The following NEB variants were observed in gnomAD, a reference collection of about 807,000 sequenced individuals.
NEB encodes the protein nemaline myopathy type 2.
In NEB, 512 loss-of-function variants were observed where a neutral mutation model predicts 952.2. That is an observed-to-expected ratio of 0.54 (90% CI 0.50 to 0.58). The LOEUF (loss-of-function observed/expected upper bound fraction) is 0.58. NEB is among the 20% of genes least tolerant of loss of function. NEB has a pLI of 0.00. For synonymous variants in NEB, 2,900 were observed against 3,149.8 expected (o/e 0.92, Z 2.66); for missense variants, 8,428 against 9,231.1 (o/e 0.91, Z 3.56).
At position 151,680,827 on chromosome 2, in the gene NEB, T is replaced by A. The variant is rs1221463256; in HGVS notation, c.2945A>T (p.Lys982Ile). 7 of 1,608,438 alleles carry A rather than the reference T, an allele frequency of 4.4e-6. No homozygotes were observed. The highest frequency in any genetic ancestry group is 6.0e-6 in the Non-Finnish European group (7 of 1,174,876). Residue 982 changes from lysine to isoleucine, a missense_variant and splice_region_variant, in exon 30 of 182, where the codon AAA becomes ATA. Transcript: ENST00000397345. ...AKRASDILNE[K>I]KYRQHPDTLK... Reference sequence around the variant, plus strand: ...GGTGTCTGGATGTTGGCGATATTTTTTCTGTTTGGCAAATCAAAAAGAGAA... The same window carrying A: ...GGTGTCTGGATGTTGGCGATATTTTATCTGTTTGGCAAATCAAAAAGAGAA...
intron 13 of NEB, among the ~76,000 whole-genome samples, chr2:151,700,875 G>A (rs1237485929): frequency 3.2e-5 from 3 of 93,824 alleles, no homozygotes; most frequent in African/African-American, 1.0e-4. Context: ...CTGCCTAATT[G>A]CCCTGGCCAG....
intron 32 of NEB, 61 bp downstream of exon 32, chr2:151,679,660 G>GGGCCCCCCCCCCCCCCC: frequency 1.6e-5 from 11 of 682,622 alleles, no homozygotes; most frequent in Non-Finnish European, 2.5e-5. Flanking sequence ...GTCATCGTCA[G>GGGCCCCCCCCCCCCCCC]ACCCCAAGCC....
chr2:151,505,375 G>T, intron 165 of NEB, 103 bp downstream of exon 165: 1 of 1,010,322 alleles, frequency 9.9e-7, no homozygotes, highest in Non-Finnish European at 1.5e-6. Flanking sequence ...ACATCCCCAA[G>T]GCATGGAAGC....
At chr2:151,633,591 GATAATTTTCAC>G (rs2098708322) in intron 65 of NEB, 52 bp downstream of exon 65, 1 of 1,534,874 alleles carries the variant, frequency 6.5e-7, no homozygotes, top group Non-Finnish European at 8.8e-7. Flanking sequence ...GTATATAAAG[GATAATTTTCAC>G]ATAGTTTAAA....
chr2:151,499,551 G>T, intron 168 of NEB, 161 bp from the exon 169 acceptor site: 4 of 503,754 alleles, frequency 7.9e-6, no homozygotes, highest in Non-Finnish European at 1.4e-5. Flanking sequence ...GTGAGAACAT[G>T]TTTTGTATTT....
intron 3 of NEB, among the ~76,000 whole-genome samples, chr2:151,731,463 C>A (rs1334525618): frequency 6.6e-6 from 1 of 152,118 alleles, no homozygotes; most frequent in Non-Finnish European, 1.5e-5. Context: ...AAAGCTAGTT[C>A]CTCTCTGTTT....
chr2:151,489,839 C>T (rs765995672), intron 181 of NEB, 132 bp downstream of exon 181: 72 of 527,046 alleles, frequency 1.4e-4, no homozygotes, highest in South Asian at 4.5e-4. Flanking sequence ...TAATATGAAA[C>T]ATGTAATAAA....
chr2:151,570,353 A>T lies in NEB; in HGVS notation c.17158T>A (p.Tyr5720Asn). The change falls in exon 109 of 182, where the codon TAC (tyrosine) becomes AAC (asparagine). Residue 5720 changes from tyrosine to asparagine, a missense_variant. Tyr to Asn is a moderately radical substitution (Grantham distance 143). This residue lies in a region of NEB where 3,374 missense variants were observed against 3,651.5 expected (regional missense o/e 0.92). Coordinates refer to ENST00000397345, the MANE Select transcript of NEB (RefSeq NM_001164508.2). Reference sequence around the variant, plus strand: ...TCCCTGGCTGTGAGGGTGCCCACGTAGTGTCCCTTCTGCTTCTCATGGTCA... The same window carrying T: ...TCCCTGGCTGTGAGGGTGCCCACGTTGTGTCCCTTCTGCTTCTCATGGTCA... ...KLDHEKQKGH[Y>N]VGTLTARDDN... is the part of the protein sequence containing the mutation. 2 of 1,596,508 alleles carry T rather than the reference A, an allele frequency of 1.3e-6. No homozygotes were observed. Among genetic ancestry groups the T allele is most frequent in the Non-Finnish European group, 1.7e-6 (2 of 1,169,900 alleles).
chr2:151,501,448 G>A lies in NEB; in HGVS notation c.23964C>T (p.Pro7988=). 1 of 1,539,870 alleles carries A rather than the reference G, an allele frequency of 6.5e-7. No homozygotes were observed. The highest frequency in any genetic ancestry group is 8.8e-7 in the Non-Finnish European group (1 of 1,140,952). ...LYKENLSKGT[P]LPVTPEMERV... ...GCTCCATCTCAGGAGTGACAGGTAG[G>A]GGAGTCCCCTTGCTCAAGTTCTCTT... The change falls in exon 168 of 182, where the codon CCC becomes CCT. Residue 7988 remains proline, a synonymous_variant. Coordinates refer to ENST00000397345, the MANE Select transcript of NEB (RefSeq NM_001164508.2).
At chr2:151,526,364 A>T in intron 148 of NEB, 102 bp from the exon 149 acceptor site, 8 of 816,682 alleles carry the variant, frequency 9.8e-6, no homozygotes, top group Non-Finnish European at 1.6e-5. Flanking sequence ...GACAATACTA[A>T]ACTCAATAAA....
At chr2:151,637,377 G>A (rs1308731808) in intron 63 of NEB, among the ~76,000 whole-genome samples, 3 of 152,330 alleles carry the variant, frequency 2.0e-5, no homozygotes, top group Middle Eastern at 3.4e-3. Flanking sequence ...AAGGAAGTGG[G>A]TGAGGCCCCA....
rs1429759846 is a variant in NEB at position 151,616,043 on chromosome 2, G to A, written c.11248C>T (p.Pro3750Ser). 39 of 1,613,036 alleles carry A rather than the reference G, an allele frequency of 2.4e-5. No individual in the cohort carries two copies. The highest frequency in any genetic ancestry group is 2.7e-5 in the African/African-American group (2 of 74,856). Residue 3750 changes from proline (P) to serine (S), a missense_variant, in exon 76 of 182, where the codon CCA (proline) becomes TCA (serine). Physicochemically the swap from Pro to Ser is moderately conservative, Grantham distance 74. Around this residue, in one of 11 missense-constraint regions of NEB, gnomAD observed 1,772 missense variants for 1,960.3 expected, o/e 0.90. Coordinates refer to ENST00000397345, the MANE Select transcript of NEB (RefSeq NM_001164508.2). ...EGYDLRLDAI[P>S]IQAAKASRDI... ...CTTGAAGCCTTGGCTGCTTGGATTG[G>A]AATGGCATCCAGACGCAAGTCATAG...
chr2:151,490,151 A>G (rs2055071538), intron 180 of NEB, 74 bp from the exon 181 acceptor site: 1 of 1,262,836 alleles, frequency 7.9e-7, no homozygotes, highest in Non-Finnish European at 1.1e-6. Flanking sequence ...TTAGCAGCTG[A>G]GTGATGTCTT....
chr2:151,498,132 T>A (rs748478190), intron 170 of NEB, 128 bp downstream of exon 170: 259 of 1,523,044 alleles, frequency 1.7e-4, no homozygotes, highest in Non-Finnish European at 2.3e-5. Context: ...GGAAAGTATA[T>A]CCTTTTGTAA....
chr2:151,662,219 C>T lies in NEB; in HGVS notation c.5886G>A (p.Gln1962=). ...TGGAATACTTCAAAGTGTCTGGGTG[C>T]TGGCGGTACTTCTTTTCACTAATAA... ...MEIISEKKYR[Q]HPDTLKYSTL... is the part of the protein sequence containing the mutation. The change falls in exon 46 of 182, where the codon CAG becomes CAA. Residue 1962 remains glutamine (Q), a synonymous_variant. Coordinates refer to ENST00000397345, the MANE Select transcript of NEB (RefSeq NM_001164508.2). The T allele has an allele frequency of 3.7e-6, 6 of 1,613,668 alleles. No individual in the cohort carries two copies. Among genetic ancestry groups the T allele is most frequent in the African/African-American group, 1.3e-5 (1 of 75,022 alleles).
At chr2:151,571,801 T>C (rs1315036308) in intron 107 of NEB, among the ~76,000 whole-genome samples, 2 of 152,256 alleles carry the variant, frequency 1.3e-5, no homozygotes, top group African/African-American at 4.8e-5. Flanking sequence ...TCACAAATCA[T>C]ACCTATCAGT....
At chr2:151,687,911 C>T (rs1396417211) in intron 25 of NEB, among the ~76,000 whole-genome samples, 178 bp from the exon 26 acceptor site, 1 of 152,204 alleles carries the variant, frequency 6.6e-6, no homozygotes, top group Non-Finnish European at 1.5e-5. Context: ...CTCCCTACCA[C>T]TAAATAAGTA....
intron 164 of NEB, among the ~76,000 whole-genome samples, 198 bp from the exon 165 acceptor site, chr2:151,505,768 GTC>G (rs1033101839): frequency 2.0e-5 from 3 of 152,132 alleles, no homozygotes; most frequent in Admixed American, 6.5e-5. Flanking sequence ...GGGACGCTTT[GTC>G]TCTCTCTCGT....
intron 105 of NEB, among the ~76,000 whole-genome samples, chr2:151,576,767 T>C (rs1426273135): frequency 6.6e-6 from 1 of 151,772 alleles, no homozygotes; most frequent in East Asian, 1.9e-4. Context: ...ACCCCTGACC[T>C]CAGGTGATCC....
Sources: allele counts gnomAD v4.1 joint callset (sites outside exome capture counted in the v4.1 genomes callset), GRCh38; gene constraint gnomAD v4.1.1; regional missense constraint gnomAD v4.1.1; transcripts MANE v1.5; gene names NCBI Gene and HGNC (gene_info 2026-07-23, HGNC 2026-07-21).